Variants in CES5A observed in about 807,000 individuals in gnomAD.
CES5A encodes carboxylesterase 5.
In CES5A, 67 loss-of-function variants were observed where a neutral mutation model predicts 62.9. That is an observed-to-expected ratio of 1.07 (90% CI 0.88 to 1.31). The LOEUF is 1.31. Ranked by LOEUF, CES5A falls within the 50% of genes most tolerant of loss-of-function variation. The pLI is 0.00. For missense variants in CES5A, 748 were observed against 708.5 expected, an observed-to-expected ratio of 1.06 and a Z score of -0.63; for synonymous variants, 296 against 280.8, an observed-to-expected ratio of 1.05 and a Z score of -0.54.
intron 10 of CES5A, among the ~76,000 whole-genome samples, chr16:55,851,061 T>G (rs2033122674): frequency 6.6e-6 from 1 of 152,160 alleles, no homozygotes. Flanking sequence ...TAGTGGTAAA[T>G]TTCCATACCC....
intron 10 of CES5A, among the ~76,000 whole-genome samples, chr16:55,852,664 G>A (rs4783913): frequency 0.71 from 107,609 of 152,112 alleles, 38,176 homozygotes; most frequent in East Asian, 0.77. Context: ...CTGAAGAAGG[G>A]GAAGAAACAG....
intron 1 of CES5A, among the ~76,000 whole-genome samples, chr16:55,955,598 T>C (rs1198650154): frequency 1.3e-5 from 2 of 152,222 alleles, no homozygotes; most frequent in African/African-American, 4.8e-5. Flanking sequence ...GATACCAGTA[T>C]GGCCTCTCTA....
chr16:55,924,475 T>C (rs560265795), intron 1 of CES5A, among the ~76,000 whole-genome samples: 1 of 152,100 alleles, frequency 6.6e-6, no homozygotes, highest in African/African-American at 2.4e-5. Flanking sequence ...AAAATTAATA[T>C]TGTTAAAATG....
In CES5A at chr16:55,919,781, C is replaced by G. The variant is rs371817669; in HGVS notation, c.-256+5542G>C. On this transcript the variant is annotated intron_variant, in intron 1 of 12. Transcript: ENST00000518005. ...TTAGGTGAGTTGGACATAAACCAAC[C>G]CAACTGTAGAATTGTGGAAATAATC... 8.5e-5 allele frequency among the ~76,000 whole-genome samples: 13 copies of G among 152,262 alleles called. No homozygotes were observed. In the East Asian group the frequency reaches 1.9e-3, roughly 23 times the overall value.
Position 55,846,509 on chromosome 16 carries a change from A to G in CES5A, c.1670T>C (p.Leu557Pro). ...GAGAGAGAGGAAAGTTAAGGAAGAAAGAGGACTGTGGAGCATGTCGGAGGC... is the reference window on the plus strand; with the variant it reads ...GAGAGAGAGGAAAGTTAAGGAAGAAGGAGGACTGTGGAGCATGTCGGAGGC... ...LSASDMLHSP[L>P]SSLTFLSLLQ... is the part of the protein sequence containing the mutation. The change falls in exon 13 of 13, where the codon CTT (leucine) becomes CCT (proline). Residue 557 changes from leucine (L) to proline (P), a missense_variant. Physicochemically the swap from Leu to Pro is moderately conservative, Grantham distance 98. Coordinates refer to ENST00000290567, the MANE Select transcript of CES5A (RefSeq NM_001143685.2). 1 of 1,614,176 alleles carries G rather than the reference A, an allele frequency of 6.2e-7. No homozygotes were observed.
chr16:55,944,215 C>T, intron 2 of CES5A: 1 of 664,986 alleles, frequency 1.5e-6, no homozygotes, highest in Non-Finnish European at 2.7e-6. Context: ...GACAGTACGA[C>T]TCTGAACAAG....
intron 2 of CES5A, among the ~76,000 whole-genome samples, chr16:55,941,299 G>A (rs1320930739): frequency 6.6e-5 from 10 of 152,060 alleles, no homozygotes; most frequent in Non-Finnish European, 1.0e-4. Context: ...TAGCAAGATT[G>A]CAAGGCAACA....
intron 1 of CES5A, among the ~76,000 whole-genome samples, chr16:55,951,582 G>T (rs990148614): frequency 1.3e-5 from 2 of 152,096 alleles, no homozygotes; most frequent in Non-Finnish European, 2.9e-5. Flanking sequence ...AGACAGAGAG[G>T]TTAAAAATAG....
chr16:55,905,118 T>A (rs1484309401), intron 1 of CES5A, among the ~76,000 whole-genome samples: 1 of 152,210 alleles, frequency 6.6e-6, no homozygotes, highest in East Asian at 1.9e-4. Flanking sequence ...GGTTGCTAAA[T>A]GTGCCAGCAG....
At chr16:55,912,112 T>C (rs1467023485) in intron 1 of CES5A, among the ~76,000 whole-genome samples, 1 of 152,100 alleles carries the variant, frequency 6.6e-6, no homozygotes, top group Admixed American at 6.5e-5. Context: ...GGAACATGTA[T>C]TCTCATGGGC....
upstream of CES5A, chr16:55,925,487 A>G (rs1011708693): frequency 6.6e-6 from 1 of 152,080 alleles, no homozygotes; most frequent in Non-Finnish European, 1.5e-5. Context: ...GAAGCACCAT[A>G]TGATTCAGCA....
rs2034504194 is a variant in CES5A, at chr16:55,947,152, G to A, written c.160+2633C>T. Among the ~76,000 whole-genome samples, 3 of 152,202 alleles carry A rather than the reference G, an allele frequency of 2.0e-5. No individual in the cohort carries two copies. In the South Asian group the frequency reaches 6.2e-4, roughly 32 times the overall value. ...GGAAGTTAGAGCTGGGCTTCATTTA[G>A]AATTCACTTAAGCAATAGAAAAACA... is the stretch of plus-strand genomic sequence containing the variant. On this transcript the variant is annotated intron_variant, in intron 2 of 13. Coordinates refer to the CES5A transcript ENST00000521992.
chr16:55,866,681 C>CAAAA (rs1287845742), intron 4 of CES5A, among the ~76,000 whole-genome samples: 1 of 98,376 alleles, frequency 1.0e-5, no homozygotes, highest in Non-Finnish European at 2.1e-5. Flanking sequence ...AAAAAAAATA[C>CAAAA]AAAAAAATTA....
intron 1 of CES5A, among the ~76,000 whole-genome samples, chr16:55,901,711 T>G (rs2033992229): frequency 6.6e-6 from 1 of 152,214 alleles, no homozygotes; most frequent in African/African-American, 2.4e-5. Context: ...TTTCCCCAGC[T>G]TCCCCCTGAC....
At position 55,851,532 on chromosome 16, in the gene CES5A, C is replaced by T. The variant is rs183165321; in HGVS notation, c.1273+1349G>A. Reference sequence around the variant, plus strand: ...GGTCAAGATGTCGAGAAATTGCACCCCTTGTGCATTGCTGGTAGTAATGTA... The same window carrying T: ...GGTCAAGATGTCGAGAAATTGCACCTCTTGTGCATTGCTGGTAGTAATGTA... On this transcript the variant is annotated intron_variant, in intron 10 of 12. Coordinates refer to ENST00000290567, the MANE Select transcript of CES5A (RefSeq NM_001143685.2). Among the ~76,000 whole-genome samples, 22 of 152,234 alleles carry T rather than the reference C, an allele frequency of 1.4e-4. No homozygotes were observed. The East Asian group carries it at 3.9e-3, about 27-fold the overall frequency.
chr16:55,873,811 G>A (rs370585358), intron 2 of CES5A, 22 bp downstream of exon 2: 176 of 1,600,450 alleles, frequency 1.1e-4, no homozygotes, highest in Non-Finnish European at 1.3e-4. Flanking sequence ...CAAACCACCC[G>A]TGGGCCCGAA....
chr16:55,906,609 G>A (rs1410850941), intron 1 of CES5A, among the ~76,000 whole-genome samples: 1 of 152,216 alleles, frequency 6.6e-6, no homozygotes, highest in African/African-American at 2.4e-5. Context: ...GGGAAGCCAC[G>A]GGCACGTGAA....
chr16:55,871,891 TACAAAG>T (rs1216008658), intron 2 of CES5A, 128 bp from the exon 3 acceptor site: 4 of 916,378 alleles, frequency 4.4e-6, no homozygotes, highest in Admixed American at 4.7e-5. Context: ...CAGCTACCGG[TACAAAG>T]TCCAATCATG....
chr16:55,898,755 G>T (rs567732194), intron 1 of CES5A, among the ~76,000 whole-genome samples: 7 of 152,328 alleles, frequency 4.6e-5, no homozygotes, highest in Admixed American at 3.9e-4. Flanking sequence ...CATGGGAGAG[G>T]CTGAGGGCCT....
Sources: gnomAD v4.1 joint callset for allele counts (sites outside exome capture counted in the v4.1 genomes callset) on GRCh38, gnomAD v4.1.1 for gene constraint, MANE v1.5 for transcripts, NCBI Gene and HGNC (gene_info 2026-07-23, HGNC 2026-07-21) for gene names.